CARD6: variants seen among roughly 807,000 people sequenced by gnomAD.
CARD6 encodes caspase recruitment domain family member 6.
A neutral mutation model predicts 23.6 loss-of-function variants in CARD6; 27 were observed. The observed-to-expected ratio is 1.14, with a 90% CI of 0.84 to 1.58. The LOEUF (loss-of-function observed/expected upper bound fraction) is 1.58. Ranked by LOEUF, CARD6 falls within the 40% of genes most tolerant of loss-of-function variation. CARD6 has a pLI of 0.00. For synonymous variants in CARD6, 397 were observed against 431.8 expected (o/e 0.92, Z 1.00); for missense variants, 1,214 against 1,209.9 (o/e 1.00, Z -0.05).
Position 40,852,142 on chromosome 5 carries a change from C to T in CARD6, c.842-32C>T, listed in dbSNP as rs879018397. The T allele has an allele frequency of 4.3e-6, 6 of 1,382,424 alleles. No individual in the cohort carries two copies. The South Asian group carries it at 6.5e-5, about 15-fold the overall frequency. The allele number at this position is 1,382,424 out of a possible 1,614,324, so 85.6% of individuals were successfully genotyped here. ...CGATGGGGAAAATTGAAACTCTGAA[C>T]ATGGCATTCACTATTATCTTCTCTC... On this transcript the variant is annotated intron_variant, in intron 2 of 2. Transcript: ENST00000254691.
At chr5:40,841,704 G>A in intron 1 of CARD6, 39 bp downstream of exon 1, 2 of 1,425,790 alleles carry the variant, frequency 1.4e-6, no homozygotes, top group Non-Finnish European at 9.3e-7. Context: ...TGAGAGGAAG[G>A]GGGCAGACTT....
At position 40,852,443 on chromosome 5, in the gene CARD6, C is replaced by A. The variant is rs373307405; in HGVS notation, c.1111C>A (p.Gln371Lys). Residue 371 changes from glutamine to lysine, a missense_variant, in exon 3 of 3, where the codon CAA becomes AAA. By Grantham distance (53) the Gln-to-Lys change is moderately conservative. Transcript: ENST00000254691. ...GVENLEIRDI[Q>K]TINPLDVLCA... is the part of the protein sequence containing the mutation. Reference sequence around the variant, plus strand: ...GGAGAATTTGGAAATTCGAGACATACAAACCATTAATCCCCTTGACGTGCT... The same window carrying A: ...GGAGAATTTGGAAATTCGAGACATAAAAACCATTAATCCCCTTGACGTGCT... 26 of 1,614,030 alleles carry A rather than the reference C, an allele frequency of 1.6e-5. No individual in the cohort carries two copies. The highest frequency in any genetic ancestry group is 2.2e-5 in the Non-Finnish European group (26 of 1,180,040).
At position 40,852,311 on chromosome 5, in the gene CARD6, T is replaced by G. The variant is rs750821489; in HGVS notation, c.979T>G (p.Trp327Gly). Residue 327 changes from tryptophan (W) to glycine (G), a missense_variant, in exon 3 of 3, where the codon TGG becomes GGG. Coordinates refer to ENST00000254691, the MANE Select transcript of CARD6 (RefSeq NM_032587.4). Reference sequence around the variant, plus strand: ...CCCTGAGAGTCCAGGAGACTTAGCCTGGAATTTCCTGATGAAAGTTCAAGC... The same window carrying G: ...CCCTGAGAGTCCAGGAGACTTAGCCGGGAATTTCCTGATGAAAGTTCAAGC... Reference protein sequence around the residue: ...WTPESPGDLAWNFLMKVQARD... With the variant: ...WTPESPGDLAGNFLMKVQARD... 6.2e-7 allele frequency: 1 copy of G among 1,614,154 alleles called. No individual in the cohort carries two copies. The highest frequency in any genetic ancestry group is 1.1e-5 in the South Asian group (1 of 91,082).
Position 40,852,602 on chromosome 5 carries a change from A to C in CARD6, c.1270A>C (p.Met424Leu). Reference protein sequence around the residue: ...NNKSILMLGAMKDIVKKQSTQ... With the variant: ...NNKSILMLGALKDIVKKQSTQ... ...CAAAAGCATCTTAATGCTGGGGGCC[A>C]TGAAAGACATTGTGAAGAAGCAGTC... Residue 424 changes from methionine to leucine, a missense_variant, in exon 3 of 3, where the codon ATG becomes CTG. Physicochemically the swap from Met to Leu is conservative, Grantham distance 15. Transcript: ENST00000254691. The C allele has an allele frequency of 1.9e-6, 3 of 1,614,210 alleles. No homozygotes were observed. Among genetic ancestry groups the C allele is most frequent in the Non-Finnish European group, 2.5e-6 (3 of 1,180,032 alleles).
rs199566997 is a variant in CARD6 at position 40,853,800 on chromosome 5, G to T, written c.2468G>T (p.Cys823Phe). Reference protein sequence around the residue: ...GTFGRLPRPICQHVQACPERP... With the variant: ...GTFGRLPRPIFQHVQACPERP... ...TTTGGGAGACTGCCAAGACCCATTT[G>T]TCAGCATGTACAGGCCTGCCCTGAG... Residue 823 changes from cysteine (C) to phenylalanine (F), a missense_variant, in exon 3 of 3, where the codon TGT becomes TTT. Coordinates refer to ENST00000254691, the MANE Select transcript of CARD6 (RefSeq NM_032587.4). The T allele has an allele frequency of 6.2e-7, 1 of 1,614,210 alleles. No individual in the cohort carries two copies. The highest frequency in any genetic ancestry group is 2.2e-5 in the East Asian group (1 of 44,876).
intron 2 of CARD6, among the ~76,000 whole-genome samples, chr5:40,848,870 C>A (rs1746010430): frequency 7.2e-5 from 11 of 152,012 alleles, no homozygotes; most frequent in Admixed American, 7.2e-4. Flanking sequence ...TTATTGCTTA[C>A]TTTTTTCACC....
At chr5:40,847,100 A>G (rs768295183) in intron 2 of CARD6, among the ~76,000 whole-genome samples, 3 of 152,234 alleles carry the variant, frequency 2.0e-5, no homozygotes, top group African/African-American at 4.8e-5. Flanking sequence ...ATGATCTGCA[A>G]TGTAATTCTA....
At position 40,854,129 on chromosome 5, in the gene CARD6, T is replaced by A. The variant is rs780100974; in HGVS notation, c.2797T>A (p.Ser933Thr). Residue 933 changes from serine to threonine, a missense_variant, in exon 3 of 3, where the codon TCC becomes ACC. Transcript: ENST00000254691. ...GASNPALQIG[S>T]HPMCKSSQFK... ...TTCAAATCCAGCTCTCCAAATAGGGTCCCATCCCATGTGCAAGAGCTCTCA... is the reference window on the plus strand; with the variant it reads ...TTCAAATCCAGCTCTCCAAATAGGGACCCATCCCATGTGCAAGAGCTCTCA... 1.2e-6 allele frequency: 2 copies of A among 1,614,006 alleles called. No individual in the cohort carries two copies. Among genetic ancestry groups the A allele is most frequent in the South Asian group, 1.1e-5 (1 of 91,066 alleles).
intron 2 of CARD6, among the ~76,000 whole-genome samples, chr5:40,846,663 T>G (rs1433778386): frequency 2.6e-5 from 4 of 152,142 alleles, no homozygotes; most frequent in African/African-American, 9.7e-5. Flanking sequence ...ATGGCCATTT[T>G]CTCCCTGTGT....
chr5:40,851,105 G>A (rs1369437366), intron 2 of CARD6, among the ~76,000 whole-genome samples: 1 of 152,112 alleles, frequency 6.6e-6, no homozygotes, highest in Non-Finnish European at 1.5e-5. Context: ...GGCTGAGGCA[G>A]GTGGATTACT....
chr5:40,854,962 G>A lies in CARD6; in HGVS notation c.*516G>A. The A allele has an allele frequency of 6.4e-6, 1 of 155,482 alleles. No homozygotes were observed. Among genetic ancestry groups the A allele is most frequent in the African/African-American group, 2.4e-5 (1 of 41,550 alleles). 9.6% of individuals were successfully genotyped at this position (155,482 alleles called of 1,614,324 possible). On this transcript the variant is annotated 3_prime_UTR_variant, in exon 3 of 3. Coordinates refer to ENST00000254691, the MANE Select transcript of CARD6 (RefSeq NM_032587.4). ...AGAAGAAAAATATGAAAATAATTAAGACTAGAATCAAGCAGTAGATAATTG... is the reference window on the plus strand; with the variant it reads ...AGAAGAAAAATATGAAAATAATTAAAACTAGAATCAAGCAGTAGATAATTG...
rs1248098939 is a variant in CARD6, at chr5:40,843,315, G to A, written c.447G>A (p.Arg149=). 2 of 1,614,080 alleles carry A rather than the reference G, an allele frequency of 1.2e-6. No homozygotes were observed. The highest frequency in any genetic ancestry group is 1.7e-6 in the Non-Finnish European group (2 of 1,180,014). ...HLDLETSEFF[R]DKKTSYRETA... ...ATTTGGAAACCTCTGAGTTTTTCAG[G>A]GACAAGAAAACTAGTTATAGGGAAA... The change falls in exon 2 of 3, where the codon AGG becomes AGA. Residue 149 remains arginine, a synonymous_variant. Transcript: ENST00000254691.
chr5:40,850,698 G>A (rs543066250), intron 2 of CARD6, among the ~76,000 whole-genome samples: 19 of 136,322 alleles, frequency 1.4e-4, no homozygotes, highest in Admixed American at 2.3e-4. Context: ...CTCCAGCCTG[G>A]TGACAGAGTG....
At position 40,854,505 on chromosome 5, in the gene CARD6, A is replaced by G; in HGVS notation, c.*59A>G. 1.5e-6 allele frequency: 2 copies of G among 1,341,868 alleles called. No homozygotes were observed. The highest frequency in any genetic ancestry group is 4.6e-5 in the East Asian group (2 of 43,176). 83.1% of individuals were successfully genotyped at this position (1,341,868 alleles called of 1,614,324 possible). On this transcript the variant is annotated 3_prime_UTR_variant, in exon 3 of 3. Transcript: ENST00000254691. ...TTTACCCAGGCCATTCCTATCATAT[A>G]GTAAGCAGAAGAGTTGCCATGAAAG...
intron 2 of CARD6, among the ~76,000 whole-genome samples, chr5:40,848,414 C>T (rs750558833): frequency 3.9e-5 from 6 of 152,038 alleles, no homozygotes; most frequent in Non-Finnish European, 8.8e-5. Flanking sequence ...AGGGTTTTCA[C>T]GATGTTGCCC....
intron 2 of CARD6, among the ~76,000 whole-genome samples, chr5:40,847,198 A>G (rs1202275022): frequency 6.6e-6 from 1 of 152,236 alleles, no homozygotes; most frequent in East Asian, 1.9e-4. Context: ...CAGCTGAGAA[A>G]TGAAAAAAAT....
Position 40,853,107 on chromosome 5 carries a change from AG to A in CARD6, c.1777del (p.Ala593LeufsTer8). On this transcript the variant is annotated frameshift_variant, in exon 3 of 3. Coordinates refer to ENST00000254691, the MANE Select transcript of CARD6 (RefSeq NM_032587.4). LOFTEE classifies it low-confidence loss of function (END_TRUNC). ...VLSSQARESE[E>X]AQIFQRILNL... ...AGTTCCCAAGCCAGGGAGAGTGAAG[AG>A]GCTCAAATTTTTCAGAGGATACTGA... 1.2e-6 allele frequency: 2 copies of A among 1,614,190 alleles called. No homozygotes were observed. Among genetic ancestry groups the A allele is most frequent in the Non-Finnish European group, 1.7e-6 (2 of 1,180,040 alleles).
In CARD6 at chr5:40,849,540, C is replaced by G. The variant is rs138092629; in HGVS notation, c.842-2634C>G. On this transcript the variant is annotated intron_variant, in intron 2 of 2. Transcript: ENST00000254691. ...AGTTACTTTTATTAATTCCTAAAAT[C>G]TATGCTTTTCTCTTATTTCTGTTGT... Among the ~76,000 whole-genome samples the G allele has an allele frequency of 7.4e-3, 1,110 of 149,944 alleles. 17 individuals are homozygous for G. Among genetic ancestry groups the G allele is most frequent in the African/African-American group, 0.025 (1,050 of 41,348 alleles).
chr5:40,842,790 C>G (rs932761840), intron 1 of CARD6, among the ~76,000 whole-genome samples: 1 of 152,190 alleles, frequency 6.6e-6, no homozygotes, highest in African/African-American at 2.4e-5. Flanking sequence ...GTAATCCCAG[C>G]ACTTTGGGAG....
Sources: allele counts gnomAD v4.1 joint callset (sites outside exome capture counted in the v4.1 genomes callset), GRCh38; gene constraint gnomAD v4.1.1; transcripts MANE v1.5; gene names NCBI Gene and HGNC (gene_info 2026-07-23, HGNC 2026-07-21).